The following APPL2 variants were observed in gnomAD, a reference collection of about 807,000 sequenced individuals.
The protein encoded by APPL2 is adaptor protein, phosphotyrosine interacting with PH domain and leucine zipper 2.
APPL2 carries 84 observed loss-of-function variants against 92.7 expected under a neutral mutation model. The observed-to-expected ratio is 0.91, with a 90% CI of 0.76 to 1.09. APPL2 has a LOEUF of 1.09. Among genes scored for constraint, APPL2 ranks in the 50% least tolerant of loss-of-function variants. The probability of loss-of-function intolerance (pLI) is 0.00; values close to 1 mark genes in which losing one functional copy is unlikely to be tolerated. For synonymous variants in APPL2, 291 were observed against 291.0 expected, an observed-to-expected ratio of 1.00 and a Z score of 0.00; for missense variants, 736 against 824.5, an observed-to-expected ratio of 0.89 and a Z score of 1.31.
chr12:105,229,218 G>T lies in APPL2; in HGVS notation c.60C>A (p.Arg20=). The change falls in exon 2 of 21, where the codon CGC becomes CGA. Residue 20 remains arginine (R), a synonymous_variant. Coordinates refer to ENST00000258530, the MANE Select transcript of APPL2 (RefSeq NM_018171.5). ...EEALQDSPQT[R]SLLSVFEEDA... ...CTTCTTCAAACACGCTCAGTAAAGA[G>T]CGAGTCTGGAAGAAAAGAAGAAAAA... The T allele has an allele frequency of 6.2e-7, 1 of 1,613,146 alleles. No individual in the cohort carries two copies. The highest frequency in any genetic ancestry group is 1.3e-5 in the African/African-American group (1 of 75,006).
intron 8 of APPL2, among the ~76,000 whole-genome samples, chr12:105,204,454 T>C (rs958442489): frequency 6.6e-6 from 1 of 152,092 alleles, no homozygotes; most frequent in African/African-American, 2.4e-5. Flanking sequence ...CCAGATACCC[T>C]GGGAAAGCAT....
chr12:105,175,565 T>C (rs1885454591), intron 20 of APPL2, among the ~76,000 whole-genome samples: 2 of 152,260 alleles, frequency 1.3e-5, no homozygotes, highest in South Asian at 4.1e-4. Context: ...TATATCTGTC[T>C]TGTTCAATTA....
intron 17 of APPL2, among the ~76,000 whole-genome samples, chr12:105,186,030 T>C (rs956885210): frequency 6.6e-6 from 1 of 152,218 alleles, no homozygotes; most frequent in African/African-American, 2.4e-5. Flanking sequence ...CCCTACAGTA[T>C]GTTGCCTTTT....
chr12:105,231,881 C>G (rs1384537322), intron 1 of APPL2, among the ~76,000 whole-genome samples: 1 of 152,210 alleles, frequency 6.6e-6, no homozygotes, highest in Non-Finnish European at 1.5e-5. Flanking sequence ...TCCTCATTTA[C>G]TATACTGTGT....
At chr12:105,229,066 T>C in intron 2 of APPL2, 59 bp downstream of exon 2, 1 of 1,421,102 alleles carries the variant, frequency 7.0e-7, no homozygotes, top group Non-Finnish European at 9.7e-7. Flanking sequence ...TGAGGGAAGT[T>C]CAGGATGAGG....
chr12:105,205,084 C>G (rs1021343927), intron 8 of APPL2, among the ~76,000 whole-genome samples: 1 of 152,162 alleles, frequency 6.6e-6, no homozygotes, highest in Non-Finnish European at 1.5e-5. Flanking sequence ...TAGTGAGCAG[C>G]AGGAAGTGCT....
chr12:105,183,955 C>A (rs1592760033), intron 17 of APPL2, among the ~76,000 whole-genome samples: 1 of 152,156 alleles, frequency 6.6e-6, no homozygotes, highest in South Asian at 2.1e-4. Flanking sequence ...TTTATTCACT[C>A]ATTTTCATTC....
intron 17 of APPL2, among the ~76,000 whole-genome samples, chr12:105,180,456 C>T (rs147363007): frequency 0.056 from 8,538 of 152,174 alleles, 805 homozygotes; most frequent in African/African-American, 0.19. Flanking sequence ...CTGGGCTATG[C>T]GGGCTCTTTT....
chr12:105,215,592 A>C (rs1030999806), intron 4 of APPL2, among the ~76,000 whole-genome samples: 1 of 152,224 alleles, frequency 6.6e-6, no homozygotes, highest in Non-Finnish European at 1.5e-5. Flanking sequence ...ACGAAAATGC[A>C]ATCAGTACAG....
chr12:105,219,556 T>C (rs1889943694), intron 2 of APPL2, among the ~76,000 whole-genome samples: 1 of 152,222 alleles, frequency 6.6e-6, no homozygotes, highest in South Asian at 2.1e-4. Context: ...AAATGTTTGA[T>C]GAATGAATGA....
chr12:105,198,324 G>C (rs528617342), intron 10 of APPL2, among the ~76,000 whole-genome samples: 2 of 152,136 alleles, frequency 1.3e-5, no homozygotes, highest in Non-Finnish European at 2.9e-5. Flanking sequence ...ATCTAGTCAG[G>C]GTTGCCTTAG....
intron 14 of APPL2, among the ~76,000 whole-genome samples, chr12:105,191,794 T>C (rs113124785): frequency 2.1e-3 from 326 of 152,344 alleles, no homozygotes; most frequent in African/African-American, 7.6e-3. Flanking sequence ...TGCCACATTT[T>C]ACAGAGTTTC....
chr12:105,229,096 C>G, intron 2 of APPL2, 29 bp downstream of exon 2: 2 of 1,581,288 alleles, frequency 1.3e-6, no homozygotes, highest in Non-Finnish European at 1.7e-6. Flanking sequence ...GCCCACTCTG[C>G]GGTATCCAGG....
chr12:105,235,155 A>C (rs1891155140), intron 1 of APPL2: 1 of 152,266 alleles, frequency 6.6e-6, no homozygotes, highest in Non-Finnish European at 1.5e-5. Context: ...ATGCTGAACC[A>C]GGAGTGTAGG....
Position 105,177,373 on chromosome 12 carries a change from C to G in APPL2, c.1635-111G>C, listed in dbSNP as rs1027729474. ...CAAATTCCCCGAAATAGAGATAAAG[C>G]CTGTTAGAGGGTGAGGCGAGATAGC... On this transcript the variant is annotated intron_variant, in intron 17 of 20. Transcript: ENST00000258530. 9.3e-6 allele frequency: 11 copies of G among 1,182,400 alleles called. No individual in the cohort carries two copies. In the African/African-American group the frequency reaches 1.1e-4, roughly 11 times the overall value. The allele number at this position is 1,182,400 out of a possible 1,614,324, so 73.2% of individuals were successfully genotyped here. A position where few individuals can be genotyped will look rare whatever the true frequency, so the allele number is the denominator to read the frequency against.
chr12:105,229,552 A>G (rs1234114884), intron 1 of APPL2: 1 of 1,018,712 alleles, frequency 9.8e-7, no homozygotes, highest in Non-Finnish European at 1.2e-6. Context: ...AGTCTATCCA[A>G]TAAAAAAAGT....
chr12:105,192,577 C>G (rs1402042131), intron 14 of APPL2, among the ~76,000 whole-genome samples: 2 of 152,042 alleles, frequency 1.3e-5, no homozygotes, highest in Non-Finnish European at 2.9e-5. Context: ...CAACTGCTAC[C>G]AAGAATACAC....
chr12:105,220,679 T>C (rs578210543), intron 2 of APPL2, among the ~76,000 whole-genome samples: 180 of 152,318 alleles, frequency 1.2e-3, no homozygotes, highest in Admixed American at 2.6e-3. Context: ...CCACTCAAGT[T>C]CTTCCTCAGA....
At chr12:105,205,244 G>T (rs1030112505) in intron 8 of APPL2, among the ~76,000 whole-genome samples, 4 of 152,206 alleles carry the variant, frequency 2.6e-5, no homozygotes, top group Non-Finnish European at 5.9e-5. Flanking sequence ...GCTATTGAAG[G>T]AGCTATTGTT....
Sources: gnomAD v4.1 joint callset for allele counts (sites outside exome capture counted in the v4.1 genomes callset) on GRCh38, gnomAD v4.1.1 for gene constraint, MANE v1.5 for transcripts, NCBI Gene and HGNC (gene_info 2026-07-23, HGNC 2026-07-21) for gene names.